The following THAP4 variants were observed in gnomAD, a reference collection of about 807,000 sequenced individuals.
THAP4 encodes THAP domain containing 4.
A neutral mutation model predicts 48.1 loss-of-function variants in THAP4; 18 were observed. The observed-to-expected ratio is 0.37, with a 90% CI of 0.26 to 0.56. The LOEUF (loss-of-function observed/expected upper bound fraction) is 0.56, where lower values mean the gene tolerates loss of function less well. Ranked by LOEUF, THAP4 falls within the 20% of genes least tolerant of loss-of-function variation. The pLI is 0.78. For synonymous variants in THAP4, 345 were observed against 324.9 expected (o/e 1.06, Z -0.66); for missense variants, 656 against 774.9 (o/e 0.85, Z 1.82).
Position 241,633,061 on chromosome 2 carries a change from C to T in THAP4, c.1096G>A (p.Val366Met). 1.2e-6 allele frequency: 2 copies of T among 1,613,998 alleles called. No individual in the cohort carries two copies. Among genetic ancestry groups the T allele is most frequent in the South Asian group, 1.1e-5 (1 of 91,090 alleles). ...KSQVCCLREQ[V>M]EKKNGELKSL... ...TTCAGCTCGCCGTTCTTCTTCTCCA[C>T]CTGCTCCCGCAGGCAGCACACCTGG... The change falls in exon 2 of 6, where the codon GTG becomes ATG. Residue 366 changes from valine (V) to methionine (M), a missense_variant. Around this residue, in one of 4 missense-constraint regions of THAP4, gnomAD observed 391 missense variants for 412.4 expected, o/e 0.95. Transcript: ENST00000407315. This position sits in a 1 kb window ranked among gnomAD's most constrained non-coding sequence, Gnocchi z 7.5.
chr2:241,623,293 G>C (rs2067457257), intron 2 of THAP4, among the ~76,000 whole-genome samples: 1 of 149,940 alleles, frequency 6.7e-6, no homozygotes, highest in Admixed American at 6.7e-5. Flanking sequence ...TAAAAGTAAA[G>C]GGATAGGCCA....
chr2:241,633,133 T>C lies in THAP4; in HGVS notation c.1024A>G (p.Ile342Val). 1 of 1,612,206 alleles carries C rather than the reference T, an allele frequency of 6.2e-7. No individual in the cohort carries two copies. Among genetic ancestry groups the C allele is most frequent in the Non-Finnish European group, 8.5e-7 (1 of 1,179,028 alleles). Residue 342 changes from isoleucine (I) to valine (V), a missense_variant, in exon 2 of 6, where the codon ATC becomes GTC. Around this residue, in one of 4 missense-constraint regions of THAP4, gnomAD observed 391 missense variants for 412.4 expected, o/e 0.95. Transcript: ENST00000407315. This position sits in a 1 kb window ranked among gnomAD's most constrained non-coding sequence, Gnocchi z 7.5. ...ILSASGACKL[I>V]DSLHSYCFSS... ...AAGCAGTAGGAGTGCAGTGAGTCGA[T>C]GAGCTTGCAGGCCCCTGACGCCGAC...
chr2:241,615,854 T>G (rs1275113082), intron 2 of THAP4, among the ~76,000 whole-genome samples: 1 of 152,134 alleles, frequency 6.6e-6, no homozygotes, highest in African/African-American at 2.4e-5. Context: ...TCCCGACACA[T>G]CAGGAGAGCT....
chr2:241,626,756 G>A (rs2067499662), intron 2 of THAP4, among the ~76,000 whole-genome samples: 1 of 151,968 alleles, frequency 6.6e-6, no homozygotes, highest in Non-Finnish European at 1.5e-5. Context: ...TAGAGACAGG[G>A]CTTCACCCTG....
rs1347313876 is a variant in THAP4 at position 241,601,703 on chromosome 2, C to A, written c.1614+193G>T. 1.5e-5 allele frequency: 16 copies of A among 1,042,356 alleles called. No individual in the cohort carries two copies. Among genetic ancestry groups the A allele is most frequent in the Non-Finnish European group, 2.1e-5 (15 of 730,792 alleles). The allele number at this position is 1,042,356 out of a possible 1,614,324, so 64.6% of individuals were successfully genotyped here. A position where few individuals can be genotyped will look rare whatever the true frequency, so the allele number is the denominator to read the frequency against. On this transcript the variant is annotated intron_variant, in intron 5 of 5. Coordinates refer to ENST00000407315, the MANE Select transcript of THAP4 (RefSeq NM_015963.6). The surrounding 1 kb of genome is among the most constrained non-coding windows in gnomAD (Gnocchi z 4.0). ...TCAAAAAAACCACACCACTGACCAG[C>A]CGAGGAGGGGGCAATGAATTTAGGG...
intron 2 of THAP4, among the ~76,000 whole-genome samples, chr2:241,629,043 C>G (rs1376648560): frequency 6.6e-6 from 1 of 151,232 alleles, no homozygotes; most frequent in African/African-American, 2.4e-5. Flanking sequence ...ATCTAATAAT[C>G]ATGGTTGCTT....
At chr2:241,634,879 A>C (rs1451149857) in intron 1 of THAP4, among the ~76,000 whole-genome samples, 1 of 152,226 alleles carries the variant, frequency 6.6e-6, no homozygotes. Flanking sequence ...ATACTGAATG[A>C]AATAGGGCAG....
In THAP4 at chr2:241,637,072, CCGCG is replaced by C; in HGVS notation, c.-59_-56del. ...GCCCCGGCCCTAGCCGCCCGCCCGC[CCGCG>C]GACCGCCCCGAGGGAGGGAGCGCGG... On this transcript the variant is annotated 5_prime_UTR_variant, in exon 1 of 6. Transcript: ENST00000407315. The C allele has an allele frequency of 9.2e-7, 1 of 1,084,730 alleles. No individual in the cohort carries two copies. Among genetic ancestry groups the C allele is most frequent in the Non-Finnish European group, 1.1e-6 (1 of 891,776 alleles). The allele number at this position is 1,084,730 out of a possible 1,614,324, so 67.2% of individuals were successfully genotyped here.
In THAP4 at chr2:241,601,042, G is replaced by A. The variant is rs1035634435; in HGVS notation, c.1614+854C>T. 7.9e-5 allele frequency among the ~76,000 whole-genome samples: 12 copies of A among 152,112 alleles called. No homozygotes were observed. The highest frequency in any genetic ancestry group is 2.9e-4 in the African/African-American group (12 of 41,438). On this transcript the variant is annotated intron_variant, in intron 5 of 5. Coordinates refer to ENST00000407315, the MANE Select transcript of THAP4 (RefSeq NM_015963.6). The surrounding 1 kb of genome is among the most constrained non-coding windows in gnomAD (Gnocchi z 4.0). ...ACCTGTAATCCCAGCACTTTGGGAGGCTGAGGCGGGTGGATCACCTGAAGT... is the reference window on the plus strand; with the variant it reads ...ACCTGTAATCCCAGCACTTTGGGAGACTGAGGCGGGTGGATCACCTGAAGT...
intron 3 of THAP4, among the ~76,000 whole-genome samples, chr2:241,603,781 AC>A (rs1426257577): frequency 1.3e-5 from 2 of 152,078 alleles, no homozygotes; most frequent in Admixed American, 6.6e-5. Context: ...GTTTCTTATC[AC>A]CCTTCATCAT....
intron 5 of THAP4, among the ~76,000 whole-genome samples, chr2:241,596,228 G>A (rs188566026): frequency 3.1e-4 from 47 of 152,096 alleles, no homozygotes; most frequent in Admixed American, 1.0e-3. Flanking sequence ...AACTTGGGGC[G>A]GGGCATAGTG....
At chr2:241,600,881 A>G (rs1164212000) in intron 5 of THAP4, among the ~76,000 whole-genome samples, 2 of 152,158 alleles carry the variant, frequency 1.3e-5, no homozygotes, top group Admixed American at 1.3e-4. Flanking sequence ...GGCACAGCCC[A>G]TCATGGACCA....
intron 1 of THAP4, among the ~76,000 whole-genome samples, chr2:241,636,085 T>C (rs2067644445): frequency 6.6e-6 from 1 of 152,144 alleles, no homozygotes; most frequent in Non-Finnish European, 1.5e-5. Flanking sequence ...CTGAAGGAAA[T>C]TGTCAAGAAA....
At chr2:241,604,234 C>CT (rs1423559353) in intron 3 of THAP4, among the ~76,000 whole-genome samples, 1 of 149,492 alleles carries the variant, frequency 6.7e-6, no homozygotes, top group East Asian at 2.0e-4. Flanking sequence ...CCACACCCGG[C>CT]TAATTTATTT....
At chr2:241,605,714 AT>A (rs1298375226) in intron 3 of THAP4, among the ~76,000 whole-genome samples, 2 of 149,266 alleles carry the variant, frequency 1.3e-5, no homozygotes, top group Admixed American at 6.6e-5. Context: ...TGGGTGACTA[AT>A]TTTTTTCTTT....
intron 2 of THAP4, 92 bp downstream of exon 2, chr2:241,632,825 C>T: frequency 2.9e-6 from 3 of 1,019,392 alleles, no homozygotes; most frequent in Non-Finnish European, 4.2e-6. Context: ...CTTGTGACAC[C>T]TCCCAGAAAT....
intron 2 of THAP4, among the ~76,000 whole-genome samples, chr2:241,631,115 G>A (rs1277396431): frequency 1.3e-5 from 2 of 152,114 alleles, no homozygotes; most frequent in East Asian, 1.9e-4. Flanking sequence ...CCAAGAATCC[G>A]AAAATCTAGA....
chr2:241,604,438 A>G (rs1334956726), intron 3 of THAP4, among the ~76,000 whole-genome samples: 2 of 151,880 alleles, frequency 1.3e-5, no homozygotes, highest in African/African-American at 4.8e-5. Context: ...TTTAGTAGAG[A>G]CCAGGTTTCT....
intron 2 of THAP4, among the ~76,000 whole-genome samples, chr2:241,620,272 T>G (rs1177352043): frequency 1.1e-4 from 3 of 26,500 alleles, no homozygotes; most frequent in South Asian, 3.0e-3. Flanking sequence ...GGGTGAGGGG[T>G]GAGTGAGTCG....
Sources: allele counts gnomAD v4.1 joint callset (sites outside exome capture counted in the v4.1 genomes callset), GRCh38; gene constraint gnomAD v4.1.1; regional missense constraint gnomAD v4.1.1; non-coding constraint Gnocchi (gnomAD v3.1); transcripts MANE v1.5; gene names NCBI Gene and HGNC (gene_info 2026-07-23, HGNC 2026-07-21).